Variants in MTMR3 observed in about 807,000 individuals in gnomAD.
The protein encoded by MTMR3 is myotubularin related protein 3, also known as phosphatidylinositol-3,5-bisphosphate 3-phosphatase MTMR3.
MTMR3 carries 32 observed loss-of-function variants against 132.4 expected under a neutral mutation model. The observed-to-expected ratio is 0.24, with a 90% CI of 0.18 to 0.32. The LOEUF is 0.32. MTMR3 is among the 10% of genes least tolerant of loss of function. The pLI, the probability that MTMR3 is intolerant of heterozygous loss-of-function variation, is 1.00. For missense variants in MTMR3, 1,216 were observed against 1,489.6 expected (o/e 0.82, Z 3.02); for synonymous variants, 556 against 550.3 (o/e 1.01, Z -0.14).
rs2067898559 is a variant in MTMR3 at position 30,025,680 on chromosome 22, T to C, written c.3476T>C (p.Val1159Ala). 4 of 1,614,222 alleles carry C rather than the reference T, an allele frequency of 2.5e-6. No individual in the cohort carries two copies. Among genetic ancestry groups the C allele is most frequent in the Non-Finnish European group, 3.4e-6 (4 of 1,180,016 alleles). Reference sequence around the variant, plus strand: ...AGTTGTTGTAACCAGAAGGTTCCAGTTCCCAGCCAGCAGCTCTTTGAACCC... The same window carrying C: ...AGTTGTTGTAACCAGAAGGTTCCAGCTCCCAGCCAGCAGCTCTTTGAACCC... ...CSSCCNQKVP[V>A]PSQQLFEPSR... Residue 1159 changes from valine (V) to alanine (A), a missense_variant, in exon 20 of 20, where the codon GTT (valine) becomes GCT (alanine). Val to Ala is a moderately conservative substitution (Grantham distance 64). This residue lies in a region of MTMR3 where 852 missense variants were observed against 852.0 expected (regional missense o/e 1.00). Transcript: ENST00000401950.
chr22:29,991,440 C>T lies in MTMR3; in HGVS notation c.294-64C>T, dbSNP rs1345949395. 1.3e-5 allele frequency: 20 copies of T among 1,485,976 alleles called. No individual in the cohort carries two copies. In the South Asian group the frequency reaches 2.4e-4, roughly 18 times the overall value. 92.0% of individuals were successfully genotyped at this position (1,485,976 alleles called of 1,614,324 possible). A position where few individuals can be genotyped will look rare whatever the true frequency, so the allele number is the denominator to read the frequency against. ...CGAGTGGGCATTCTTGAAATAATGG[C>T]TTTTCTTACATTTCATTTCAACTGT... On this transcript the variant is annotated intron_variant, in intron 6 of 19. Transcript: ENST00000401950.
At chr22:29,931,201 C>T (rs985483069) in intron 1 of MTMR3, among the ~76,000 whole-genome samples, 1 of 152,068 alleles carries the variant, frequency 6.6e-6, no homozygotes, top group African/African-American at 2.4e-5. Flanking sequence ...GTTAACAGTA[C>T]TTGAATCTCT....
At chr22:30,007,737 C>T in intron 10 of MTMR3, 164 bp from the exon 11 acceptor site, 1 of 781,790 alleles carries the variant, frequency 1.3e-6, no homozygotes, top group Non-Finnish European at 2.0e-6. Flanking sequence ...ATAAGAAGGC[C>T]ACATAGAAAA....
At chr22:29,955,306 A>G (rs1166909015) in intron 1 of MTMR3, among the ~76,000 whole-genome samples, 2 of 152,246 alleles carry the variant, frequency 1.3e-5, no homozygotes, top group Non-Finnish European at 2.9e-5. Flanking sequence ...TTAAAAAGCA[A>G]TATAATGTCC....
At chr22:29,886,873 T>C (rs538373725) in intron 1 of MTMR3, among the ~76,000 whole-genome samples, 62 of 152,270 alleles carry the variant, frequency 4.1e-4, no homozygotes, top group South Asian at 1.0e-3. Flanking sequence ...TTGAGAATGG[T>C]TTGGGGGGAG....
intron 1 of MTMR3, among the ~76,000 whole-genome samples, chr22:29,933,158 TGGGGTTTCACTGTGTTAGCCAGGATGGTC>T (rs1481405005): frequency 6.6e-6 from 1 of 151,948 alleles, no homozygotes; most frequent in Admixed American, 6.6e-5. Context: ...TTAGTAGAGA[TGGGGTTTCACTGTGTTAGCCAGGATGGTC>T]TTGATCTCCT....
At position 30,025,841 on chromosome 22, in the gene MTMR3, C is replaced by A. The variant is rs528603691; in HGVS notation, c.*40C>A. ...GGTGGGCAGTGGCCAAGCTGCTGTTCCTATGACAGGCCCACTCAACCTGGG... is the reference window on the plus strand; with the variant it reads ...GGTGGGCAGTGGCCAAGCTGCTGTTACTATGACAGGCCCACTCAACCTGGG... On this transcript the variant is annotated 3_prime_UTR_variant, in exon 20 of 20. Transcript: ENST00000401950. 1.0e-5 allele frequency: 16 copies of A among 1,607,828 alleles called. No individual in the cohort carries two copies. The Admixed American group carries it at 1.2e-4, about 12-fold the overall frequency.
chr22:29,904,716 A>G (rs1385494290), intron 1 of MTMR3, among the ~76,000 whole-genome samples: 1 of 152,266 alleles, frequency 6.6e-6, no homozygotes, highest in East Asian at 1.9e-4. Flanking sequence ...GTTGAAAGAC[A>G]ATAAATGTAA....
chr22:29,922,730 C>G (rs1247621454), intron 1 of MTMR3, among the ~76,000 whole-genome samples: 1 of 152,030 alleles, frequency 6.6e-6, no homozygotes, highest in Non-Finnish European at 1.5e-5. Flanking sequence ...TGAGAAATCT[C>G]TATTTTCTAC....
intron 4 of MTMR3, 52 bp from the exon 5 acceptor site, chr22:29,978,884 T>C (rs1317526459): frequency 1.5e-5 from 4 of 275,268 alleles, no homozygotes; most frequent in Non-Finnish European, 2.3e-5. Flanking sequence ...TGTTTGAAGC[T>C]TTTTTTTTTT....
chr22:29,962,916 T>C (rs960347949), intron 2 of MTMR3, among the ~76,000 whole-genome samples: 8 of 149,952 alleles, frequency 5.3e-5, no homozygotes, highest in Non-Finnish European at 8.9e-5. Context: ...TTTTCTTTTT[T>C]TTTTTTTTTT....
chr22:29,933,171 T>C (rs574142688), intron 1 of MTMR3, among the ~76,000 whole-genome samples: 1 of 152,240 alleles, frequency 6.6e-6, no homozygotes, highest in East Asian at 1.9e-4. Context: ...GGTTTCACTG[T>C]GTTAGCCAGG....
chr22:30,012,225 AAC>A (rs2067450764), intron 12 of MTMR3, 141 bp from the exon 13 acceptor site: 6 of 817,756 alleles, frequency 7.3e-6, no homozygotes, highest in Middle Eastern at 3.7e-4. Flanking sequence ...ATGCTTTATA[AAC>A]ACACAGATTT....
intron 1 of MTMR3, among the ~76,000 whole-genome samples, chr22:29,886,160 TGTTA>T (rs2145693076): frequency 6.6e-6 from 1 of 152,310 alleles, no homozygotes; most frequent in Admixed American, 6.5e-5. Flanking sequence ...TTTATAGCAG[TGTTA>T]GTTATTAAAA....
intron 1 of MTMR3, among the ~76,000 whole-genome samples, chr22:29,885,127 A>G (rs1322034396): frequency 1.3e-5 from 2 of 152,176 alleles, no homozygotes; most frequent in African/African-American, 4.8e-5. Flanking sequence ...GCTGGTCATT[A>G]GAAATATTAT....
chr22:30,006,231 T>G (rs979162574), intron 9 of MTMR3: 1 of 152,230 alleles, frequency 6.6e-6, no homozygotes, highest in African/African-American at 2.4e-5. Flanking sequence ...TGATTTCTGG[T>G]CTGTCTTATT....
chr22:29,998,889 A>G (rs748207879), intron 8 of MTMR3, 32 bp downstream of exon 8: 2 of 1,495,906 alleles, frequency 1.3e-6, no homozygotes, highest in African/African-American at 1.4e-5. Flanking sequence ...GGACTGTTTC[A>G]CAGCCAGTGC....
Position 29,985,804 on chromosome 22 carries a change from A to G in MTMR3, c.211-2676A>G, listed in dbSNP as rs532032704. On this transcript the variant is annotated intron_variant, in intron 5 of 19. Transcript: ENST00000401950. ...TTCTAATTCTTTTTTCTTCAATTTA[A>G]GATGTTAAAATATAGAAAAAAATAT... is the stretch of plus-strand genomic sequence containing the variant. The G allele has an allele frequency of 3.3e-5, 5 of 152,306 alleles. 1 individual carries two copies. Among genetic ancestry groups the G allele is most frequent in the Admixed American group, 3.3e-4 (5 of 15,298 alleles). 9.4% of individuals were successfully genotyped at this position (152,306 alleles called of 1,614,324 possible).
chr22:29,949,809 G>T (rs1377095503), intron 1 of MTMR3, among the ~76,000 whole-genome samples: 1 of 152,086 alleles, frequency 6.6e-6, no homozygotes, highest in Non-Finnish European at 1.5e-5. Context: ...ATAAAATTAT[G>T]TATGTTTAAG....
Sources: gnomAD v4.1 joint callset for allele counts (sites outside exome capture counted in the v4.1 genomes callset) on GRCh38, gnomAD v4.1.1 for gene constraint, gnomAD v4.1.1 regional missense constraint, MANE v1.5 for transcripts, NCBI Gene and HGNC (gene_info 2026-07-23, HGNC 2026-07-21) for gene names.